The following TPCN1 variants were observed in gnomAD, a reference collection of about 807,000 sequenced individuals.
The protein encoded by TPCN1 is two pore channel protein 1.
A neutral mutation model predicts 108.8 loss-of-function variants in TPCN1; 52 were observed. The ratio of observed to expected loss-of-function variants is 0.48; its 90% CI spans 0.38 to 0.60. TPCN1 has a LOEUF of 0.60. TPCN1 is among the 20% of genes least tolerant of loss of function. The pLI, the probability that TPCN1 is intolerant of heterozygous loss-of-function variation, is 0.00. For missense variants in TPCN1, 806 were observed against 1,072.8 expected, an observed-to-expected ratio of 0.75 and a Z score of 3.47; for synonymous variants, 446 against 433.7, an observed-to-expected ratio of 1.03 and a Z score of -0.35.
intron 2 of TPCN1, among the ~76,000 whole-genome samples, chr12:113,242,175 C>T (rs146117980): frequency 4.7e-4 from 71 of 152,356 alleles, no homozygotes; most frequent in African/African-American, 1.6e-3. Flanking sequence ...GAGCTGGCCA[C>T]GGCTGTGCTG....
In TPCN1 at chr12:113,285,854, C is replaced by T. The variant is rs769355753; in HGVS notation, c.1454-35C>T. ...AGACCGAGCATGGGGGAGGATGTGG[C>T]GGGGCTGCTGCCGATGGATTCCTTC... On this transcript the variant is annotated intron_variant, in intron 17 of 27. Transcript: ENST00000335509. 42 of 1,568,552 alleles carry T rather than the reference C, an allele frequency of 2.7e-5. No homozygotes were observed. The East Asian group carries it at 6.1e-4, about 23-fold the overall frequency.
intron 2 of TPCN1, among the ~76,000 whole-genome samples, chr12:113,259,626 A>G (rs938046482): frequency 6.6e-6 from 1 of 152,238 alleles, no homozygotes; most frequent in African/African-American, 2.4e-5. Context: ...CAGCAACAAC[A>G]GGGAAAGAGC....
At position 113,266,288 on chromosome 12, in the gene TPCN1, G is replaced by A. The variant is rs199761073; in HGVS notation, c.346G>A (p.Ala116Thr). The part of the protein sequence containing the change: ...HLFYLMELAT[A>T]LLLLLLSLCE... ...CTTCTACCTGATGGAGCTGGCCACGGCCCTGCTGCTGCTGCTGCTCTCCCT... is the reference window on the plus strand; with the variant it reads ...CTTCTACCTGATGGAGCTGGCCACGACCCTGCTGCTGCTGCTGCTCTCCCT... The change falls in exon 4 of 28, where the codon GCC (alanine) becomes ACC (threonine). Residue 116 changes from alanine to threonine, a missense_variant. Ala to Thr is a moderately conservative substitution (Grantham distance 58). Transcript: ENST00000335509. This position sits in a 1 kb window ranked among gnomAD's most constrained non-coding sequence, Gnocchi z 4.2. 1.9e-6 allele frequency: 3 copies of A among 1,613,344 alleles called. No individual in the cohort carries two copies. The highest frequency in any genetic ancestry group is 2.5e-6 in the Non-Finnish European group (3 of 1,180,040).
chr12:113,287,149 C>A, intron 19 of TPCN1, 55 bp downstream of exon 19: 1 of 1,436,252 alleles, frequency 7.0e-7, no homozygotes, highest in Non-Finnish European at 9.8e-7. Context: ...GACGGGAATG[C>A]CCCAGGATTG....
rs534190193 is a variant in TPCN1, at chr12:113,269,105, G to A, written c.659+233G>A. Among the ~76,000 whole-genome samples the A allele has an allele frequency of 2.0e-5, 3 of 152,248 alleles. No individual in the cohort carries two copies. Among genetic ancestry groups the A allele is most frequent in the African/African-American group, 7.2e-5 (3 of 41,544 alleles). ...TCCAGGGCTTTTTCCCATCTTATCCGCAGCCTTCCAGAGCTGCTTCCTCGC... is the reference window on the plus strand; with the variant it reads ...TCCAGGGCTTTTTCCCATCTTATCCACAGCCTTCCAGAGCTGCTTCCTCGC... On this transcript the variant is annotated intron_variant, in intron 6 of 27. Coordinates refer to ENST00000335509, the MANE Select transcript of TPCN1 (RefSeq NM_017901.6). This position sits in a 1 kb window ranked among gnomAD's most constrained non-coding sequence, Gnocchi z 5.0.
chr12:113,290,310 G>A (rs1019141348), intron 22 of TPCN1, 67 bp downstream of exon 22: 6 of 1,109,956 alleles, frequency 5.4e-6, no homozygotes, highest in South Asian at 2.8e-5. Context: ...TTGTCACCAC[G>A]GGTCCCAGAG....
intron 2 of TPCN1, chr12:113,244,121 G>T: frequency 5.6e-6 from 1 of 177,124 alleles, no homozygotes; most frequent in Non-Finnish European, 1.1e-5. Flanking sequence ...CTCTGGACTT[G>T]GCCACTTAGG....
intron 4 of TPCN1, 79 bp from the exon 5 acceptor site, chr12:113,267,764 G>C: frequency 4.2e-6 from 4 of 963,498 alleles, no homozygotes; most frequent in South Asian, 2.6e-5. Flanking sequence ...GGCACTCCCA[G>C]GTCCTGGGAG....
At chr12:113,265,292 T>C (rs1446498058) in intron 3 of TPCN1, among the ~76,000 whole-genome samples, 1 of 152,208 alleles carries the variant, frequency 6.6e-6, no homozygotes, top group African/African-American at 2.4e-5. Flanking sequence ...CCTTTCCTCT[T>C]CACAACAGCT....
intron 14 of TPCN1, among the ~76,000 whole-genome samples, 191 bp downstream of exon 14, chr12:113,279,026 GAAATGGGTAACTTAACCCAACCA>G (rs1475519581): frequency 1.9e-4 from 29 of 152,078 alleles, no homozygotes; most frequent in African/African-American, 4.6e-4. Flanking sequence ...GATTGGGAGA[GAAATGGGTAACTTAACCCAACCA>G]AAATGGGTAA....
chr12:113,225,271 C>T (rs1226307544), intron 1 of TPCN1: 1 of 451,864 alleles, frequency 2.2e-6, no homozygotes, highest in Non-Finnish European at 4.4e-6. Flanking sequence ...ATTGCCCAGG[C>T]TGGTCTTGAA....
rs767325854 is a variant in TPCN1, at chr12:113,273,599, C to T, written c.873C>T (p.Ser291=). The T allele has an allele frequency of 1.2e-6, 2 of 1,614,198 alleles. No individual in the cohort carries two copies. Among genetic ancestry groups the T allele is most frequent in the South Asian group, 1.1e-5 (1 of 91,084 alleles). Residue 291 remains serine (S), a synonymous_variant, in exon 10 of 28, where the codon TCC becomes TCT. Coordinates refer to ENST00000335509, the MANE Select transcript of TPCN1 (RefSeq NM_017901.6). The surrounding 1 kb of genome is among the most constrained non-coding windows in gnomAD (Gnocchi z 4.0). ...CAGATGTGATGATGCCCTCCTACTC[C>T]CGGAACCCCTGGTCCTGCGTCTTCT... is the stretch of plus-strand genomic sequence containing the variant. The part of the protein sequence containing the change: ...NFPDVMMPSY[S]RNPWSCVFFI...
chr12:113,254,084 C>A lies in TPCN1; in HGVS notation c.113-6284C>A, dbSNP rs971900273. The stretch of plus-strand genomic sequence containing the variant: ...TGTGATCTTGGACAGATTGTTTAGC[C>A]TCTTGGCAAATTTCTTGAAAGATAA... On this transcript the variant is annotated intron_variant, in intron 2 of 27. Coordinates refer to ENST00000335509, the MANE Select transcript of TPCN1 (RefSeq NM_017901.6). 3.3e-5 allele frequency among the ~76,000 whole-genome samples: 5 copies of A among 152,184 alleles called. No individual in the cohort carries two copies. The South Asian group carries it at 1.0e-3, about 31-fold the overall frequency.
chr12:113,276,468 G>A (rs1955676507), intron 10 of TPCN1, among the ~76,000 whole-genome samples: 1 of 152,212 alleles, frequency 6.6e-6, no homozygotes, highest in Admixed American at 6.5e-5. Context: ...GGCAGGGGGA[G>A]GAAGGGTCCT....
Position 113,290,153 on chromosome 12 carries a change from C to T in TPCN1, c.1822C>T (p.Arg608Cys), listed in dbSNP as rs775946240. The T allele has an allele frequency of 6.2e-6, 10 of 1,601,460 alleles. No individual in the cohort carries two copies. The highest frequency in any genetic ancestry group is 1.1e-5 in the South Asian group (1 of 89,074). The change falls in exon 22 of 28, where the codon CGC becomes TGC. Residue 608 changes from arginine to cysteine, a missense_variant. Arg to Cys is a radical substitution (Grantham distance 180). Coordinates refer to ENST00000335509, the MANE Select transcript of TPCN1 (RefSeq NM_017901.6). ...CACGAGTACAGTGGCAGATGCCTAC[C>T]GCTGGCGCAACCACACCGTGGGCAA... ...CNTSTVADAYRWRNHTVGNRT... is the reference protein window; with the variant it reads ...CNTSTVADAYCWRNHTVGNRT...
intron 2 of TPCN1, among the ~76,000 whole-genome samples, chr12:113,257,099 A>G (rs928747225): frequency 3.3e-5 from 5 of 152,368 alleles, no homozygotes; most frequent in African/African-American, 7.2e-5. Context: ...ATAGATGGTA[A>G]ATAAACATAT....
At chr12:113,291,045 G>A (rs1183376158) in intron 23 of TPCN1, 47 bp downstream of exon 23, 4 of 1,586,592 alleles carry the variant, frequency 2.5e-6, no homozygotes, top group Non-Finnish European at 2.6e-6. Flanking sequence ...CAGCCCTGGG[G>A]TCGGCCCTGG....
Position 113,269,887 on chromosome 12 carries a change from AG to A in TPCN1, c.748+43del. The A allele has an allele frequency of 9.4e-6, 15 of 1,598,642 alleles. No homozygotes were observed. The highest frequency in any genetic ancestry group is 1.3e-5 in the Non-Finnish European group (15 of 1,167,148). ...CAGGCCCAGGTGCGCTGGAAAAGCA[AG>A]TTCACGGTGGATGAAAAATTATTTT... On this transcript the variant is annotated intron_variant, in intron 7 of 27. Transcript: ENST00000335509. This position sits in a 1 kb window ranked among gnomAD's most constrained non-coding sequence, Gnocchi z 5.0.
intron 14 of TPCN1, 27 bp from the exon 15 acceptor site, chr12:113,280,124 A>G (rs759538382): frequency 6.4e-7 from 1 of 1,573,244 alleles, no homozygotes; most frequent in South Asian, 1.1e-5. Context: ...GTAAATTTAC[A>G]TTTTAACTTG....
Sources: gnomAD v4.1 joint callset for allele counts (sites outside exome capture counted in the v4.1 genomes callset) on GRCh38, gnomAD v4.1.1 for gene constraint, Gnocchi (gnomAD v3.1) non-coding constraint, MANE v1.5 for transcripts, NCBI Gene and HGNC (gene_info 2026-07-23, HGNC 2026-07-21) for gene names.